NOL4: variants seen among roughly 807,000 people sequenced by gnomAD.
The protein encoded by NOL4 is cancer/testis antigen 125.
In NOL4, 17 loss-of-function variants were observed where a neutral mutation model predicts 75.9. The ratio of observed to expected loss-of-function variants is 0.22; its 90% confidence interval spans 0.15 to 0.34. The LOEUF (loss-of-function observed/expected upper bound fraction) is 0.34, where lower values mean the gene tolerates loss of function less well. Ranked by LOEUF, NOL4 falls within the 10% of genes least tolerant of loss-of-function variation. The pLI, the probability that NOL4 is intolerant of heterozygous loss-of-function variation, is 1.00. For missense variants in NOL4, 614 were observed against 793.5 expected, an observed-to-expected ratio of 0.77 and a Z score of 2.72; for synonymous variants, 292 against 289.9, an observed-to-expected ratio of 1.01 and a Z score of -0.07.
rs150315406 is a variant in NOL4 at position 34,216,785 on chromosome 18, G to C, written c.264+6205C>G. ...CGGAAATTTGTAATTGGTAAAATAAGTGTAATTCAACATCTTAAAGTTTTT... is the reference window on the plus strand; with the variant it reads ...CGGAAATTTGTAATTGGTAAAATAACTGTAATTCAACATCTTAAAGTTTTT... On this transcript the variant is annotated intron_variant, in intron 1 of 10. Transcript: ENST00000261592. Among the ~76,000 whole-genome samples the C allele has an allele frequency of 4.5e-3, 685 of 151,878 alleles. 6 individuals are homozygous for C. The highest frequency in any genetic ancestry group is 0.016 in the African/African-American group (654 of 41,500).
intron 1 of NOL4, among the ~76,000 whole-genome samples, chr18:34,188,727 A>G (rs1186180664): frequency 1.3e-5 from 2 of 152,214 alleles, no homozygotes; most frequent in African/African-American, 4.8e-5. Context: ...TCAAAATCTG[A>G]AGTACAGTTT....
At chr18:34,041,728 G>A (rs1447358697) in intron 5 of NOL4, among the ~76,000 whole-genome samples, 2 of 151,632 alleles carry the variant, frequency 1.3e-5, no homozygotes, top group African/African-American at 2.4e-5. Flanking sequence ...TGGGGTGACC[G>A]ATATTAAACA....
chr18:34,102,697 A>G (rs1208808974), intron 4 of NOL4, among the ~76,000 whole-genome samples: 3 of 152,054 alleles, frequency 2.0e-5, no homozygotes, highest in African/African-American at 7.2e-5. Context: ...AGTAATAAAC[A>G]TATCAACATC....
chr18:33,947,650 C>T (rs2068933881), intron 8 of NOL4, among the ~76,000 whole-genome samples: 1 of 151,684 alleles, frequency 6.6e-6, no homozygotes, highest in South Asian at 2.1e-4. Flanking sequence ...ATGATCTACA[C>T]CTGGATTGGG....
intron 6 of NOL4, among the ~76,000 whole-genome samples, chr18:33,984,252 T>G (rs1378803079): frequency 6.6e-6 from 1 of 152,196 alleles, no homozygotes; most frequent in Non-Finnish European, 1.5e-5. Flanking sequence ...AGTATTGATC[T>G]AATTTTCACT....
chr18:34,159,794 C>T (rs991923254), intron 1 of NOL4, among the ~76,000 whole-genome samples: 8 of 152,052 alleles, frequency 5.3e-5, no homozygotes, highest in African/African-American at 1.9e-4. Context: ...GTCTGGGGAG[C>T]AAAGGAAGGG....
chr18:33,916,063 C>T (rs2066704177), intron 9 of NOL4, among the ~76,000 whole-genome samples: 1 of 152,094 alleles, frequency 6.6e-6, no homozygotes, highest in African/African-American at 2.4e-5. Context: ...TCTAACAACA[C>T]TAAGTGACTG....
intron 1 of NOL4, among the ~76,000 whole-genome samples, chr18:34,189,103 T>G (rs1345464659): frequency 6.6e-6 from 1 of 152,114 alleles, no homozygotes; most frequent in African/African-American, 2.4e-5. Context: ...TGGCTCGTGG[T>G]TGTGGAAGCT....
intron 5 of NOL4, among the ~76,000 whole-genome samples, chr18:34,021,367 C>T (rs1173836928): frequency 6.6e-6 from 1 of 152,016 alleles, no homozygotes; most frequent in African/African-American, 2.4e-5. Context: ...ATAGAGGGAT[C>T]AGCACGTGCA....
At chr18:33,878,261 T>C (rs1290704891) in intron 10 of NOL4, among the ~76,000 whole-genome samples, 3 of 152,128 alleles carry the variant, frequency 2.0e-5, no homozygotes, top group African/African-American at 4.8e-5. Context: ...GAGTGCTCTC[T>C]TTTCTTCTCA....
chr18:33,998,435 G>A (rs1355544230), intron 6 of NOL4, among the ~76,000 whole-genome samples: 4 of 151,862 alleles, frequency 2.6e-5, no homozygotes, highest in Non-Finnish European at 5.9e-5. Context: ...ACCTTTTGAG[G>A]TCAGGAATAA....
At chr18:33,975,768 T>G (rs1390188176) in intron 6 of NOL4, among the ~76,000 whole-genome samples, 1 of 152,020 alleles carries the variant, frequency 6.6e-6, no homozygotes, top group Admixed American at 6.6e-5. Context: ...AAAAAGTAAA[T>G]AAATTAATTT....
At chr18:34,042,324 C>T (rs540523992) in intron 5 of NOL4, among the ~76,000 whole-genome samples, 1 of 152,066 alleles carries the variant, frequency 6.6e-6, no homozygotes, top group Admixed American at 6.6e-5. Flanking sequence ...CCACCAAACC[C>T]CTTTCTATCT....
chr18:33,869,989 C>A (rs1015291654), intron 10 of NOL4, among the ~76,000 whole-genome samples: 1 of 152,044 alleles, frequency 6.6e-6, no homozygotes, highest in African/African-American at 2.4e-5. Context: ...CTCCTCATTT[C>A]TCACCTTTGT....
At chr18:34,003,088 CAT>C (rs1486882483) in intron 6 of NOL4, among the ~76,000 whole-genome samples, 1 of 152,052 alleles carries the variant, frequency 6.6e-6, no homozygotes, top group East Asian at 1.9e-4. Context: ...CATAATTTTA[CAT>C]GTTATTTTTG....
intron 6 of NOL4, among the ~76,000 whole-genome samples, chr18:34,003,872 G>A (rs941943814): frequency 6.6e-5 from 10 of 152,004 alleles, no homozygotes; most frequent in African/African-American, 2.2e-4. Flanking sequence ...ATGGGAAGTG[G>A]GGGGTCAGAC....
chr18:34,137,548 G>C (rs1004102035), intron 1 of NOL4, among the ~76,000 whole-genome samples: 1 of 151,988 alleles, frequency 6.6e-6, no homozygotes, highest in African/African-American at 2.4e-5. Context: ...AATATAATTC[G>C]TGATTAGATA....
At chr18:33,908,827 AAT>A (rs2066220433) in intron 9 of NOL4, among the ~76,000 whole-genome samples, 1 of 152,128 alleles carries the variant, frequency 6.6e-6, no homozygotes, top group Admixed American at 6.6e-5. Flanking sequence ...CATAAGCCAG[AAT>A]ATGTGTGGGT....
At chr18:34,023,084 GA>G (rs2075136177) in intron 5 of NOL4, among the ~76,000 whole-genome samples, 1 of 151,940 alleles carries the variant, frequency 6.6e-6, no homozygotes, top group South Asian at 2.1e-4. Flanking sequence ...TATGTTTTAA[GA>G]AAAACAAATA....
Sources: allele counts gnomAD v4.1 joint callset (sites outside exome capture counted in the v4.1 genomes callset), GRCh38; gene constraint gnomAD v4.1.1; transcripts MANE v1.5; gene names NCBI Gene and HGNC (gene_info 2026-07-23, HGNC 2026-07-21).